DAB1: variants seen among roughly 807,000 people sequenced by gnomAD.
DAB1 encodes the protein DAB adaptor protein 1, also known as disabled homolog 1.
In DAB1, 15 loss-of-function variants were observed where a neutral mutation model predicts 64.6. That is an observed-to-expected ratio of 0.23 (90% CI 0.16 to 0.36). The LOEUF is 0.36. DAB1 is among the 10% of genes least tolerant of loss of function. DAB1 has a pLI of 1.00. For missense variants in DAB1, 596 were observed against 706.7 expected (o/e 0.84, Z 1.78); for synonymous variants, 235 against 251.9 (o/e 0.93, Z 0.64).
chr1:58,263,715 C>G (rs997294177), intron 4 of DAB1, among the ~76,000 whole-genome samples: 1 of 152,176 alleles, frequency 6.6e-6, no homozygotes, highest in Non-Finnish European at 1.5e-5. Context: ...ACCATACAAA[C>G]CAACATTTAT....
intron 2 of DAB1, among the ~76,000 whole-genome samples, chr1:57,277,839 C>A (rs187390540): frequency 1.3e-5 from 2 of 152,310 alleles, no homozygotes; most frequent in East Asian, 3.9e-4. Context: ...TCAGGTCTGC[C>A]ATTCATCATC....
intron 7 of DAB1, among the ~76,000 whole-genome samples, chr1:57,485,572 T>C (rs1558425331): frequency 6.6e-6 from 1 of 152,178 alleles, no homozygotes; most frequent in Non-Finnish European, 1.5e-5. Flanking sequence ...CATGATATGA[T>C]TAGAACCACA....
At chr1:57,154,641 C>A (rs182512591) in intron 2 of DAB1, among the ~76,000 whole-genome samples, 1 of 152,312 alleles carries the variant, frequency 6.6e-6, no homozygotes, top group East Asian at 1.9e-4. Context: ...AGTGGTTGTA[C>A]TAATTTATAT....
intron 4 of DAB1, among the ~76,000 whole-genome samples, chr1:57,092,155 T>C (rs1653742172): frequency 6.6e-6 from 1 of 152,242 alleles, no homozygotes; most frequent in African/African-American, 2.4e-5. Flanking sequence ...TAGGGGGACA[T>C]TGGTTCTCAC....
chr1:57,554,505 T>C (rs946632733), intron 7 of DAB1, among the ~76,000 whole-genome samples: 4 of 152,226 alleles, frequency 2.6e-5, no homozygotes, highest in Admixed American at 1.3e-4. Flanking sequence ...GATATTATTA[T>C]ACAGTTTCAA....
chr1:57,393,845 T>C (rs1021002743), intron 1 of DAB1, among the ~76,000 whole-genome samples: 3 of 152,194 alleles, frequency 2.0e-5, no homozygotes, highest in Admixed American at 6.5e-5. Context: ...CCATATATCC[T>C]GCCGGGTCAA....
intron 3 of DAB1, among the ~76,000 whole-genome samples, chr1:57,141,026 T>G (rs976389746): frequency 6.6e-6 from 1 of 152,110 alleles, no homozygotes. Flanking sequence ...GTAAAACATA[T>G]GTGTAAATGC....
At chr1:58,136,647 A>C (rs1653963809) in intron 5 of DAB1, among the ~76,000 whole-genome samples, 1 of 152,168 alleles carries the variant, frequency 6.6e-6, no homozygotes, top group East Asian at 1.9e-4. Context: ...TGGCATTCAA[A>C]CCTAATTGAT....
chr1:58,328,184 T>A (rs1201406171), intron 4 of DAB1, among the ~76,000 whole-genome samples: 1 of 152,234 alleles, frequency 6.6e-6, no homozygotes, highest in East Asian at 1.9e-4. Flanking sequence ...CATGTGTGGA[T>A]CCCTAAGAAA....
intron 7 of DAB1, among the ~76,000 whole-genome samples, chr1:57,613,780 G>A (rs1271956840): frequency 6.6e-6 from 1 of 152,158 alleles, no homozygotes; most frequent in Non-Finnish European, 1.5e-5. Context: ...GAAGCCTGCT[G>A]GAAGCTAGGG....
chr1:57,797,363 C>T (rs935061915), intron 6 of DAB1, among the ~76,000 whole-genome samples: 4 of 152,194 alleles, frequency 2.6e-5, no homozygotes, highest in African/African-American at 9.6e-5. Flanking sequence ...AGGCAATACT[C>T]CAGTTTACAA....
At chr1:58,390,984 C>T (rs948751551) in intron 3 of DAB1, among the ~76,000 whole-genome samples, 5 of 152,168 alleles carry the variant, frequency 3.3e-5, no homozygotes. Flanking sequence ...ATAACGCATT[C>T]GTCATCTGAA....
Position 57,480,355 on chromosome 1 carries a change from T to C in DAB1, n.625+169237A>G, listed in dbSNP as rs116649130. 4.6e-3 allele frequency among the ~76,000 whole-genome samples: 695 copies of C among 152,250 alleles called. 4 individuals are homozygous for C. Among genetic ancestry groups the C allele is most frequent in the Middle Eastern group, 0.01 (3 of 294 alleles). On this transcript the variant is annotated intron_variant and non_coding_transcript_variant, in intron 7 of 20. Transcript: ENST00000485760. ...TTGAAAAAGCATGTGGGATGAGATATATTTTAGTCATCTTTGGAAAGTACT... is the reference window on the plus strand; with the variant it reads ...TTGAAAAAGCATGTGGGATGAGATACATTTTAGTCATCTTTGGAAAGTACT...
At chr1:57,396,758 T>C (rs1314307945) in intron 1 of DAB1, among the ~76,000 whole-genome samples, 1 of 152,198 alleles carries the variant, frequency 6.6e-6, no homozygotes, top group African/African-American at 2.4e-5. Flanking sequence ...TTAAGGATGT[T>C]CTCACATGCT....
At chr1:58,487,791 C>A (rs1037081643) in intron 3 of DAB1, among the ~76,000 whole-genome samples, 2 of 152,138 alleles carry the variant, frequency 1.3e-5, no homozygotes, top group East Asian at 1.9e-4. Context: ...CCCCTCCCCC[C>A]TCAACACACA....
chr1:58,267,556 G>C (rs182167491), intron 4 of DAB1, among the ~76,000 whole-genome samples: 4 of 152,278 alleles, frequency 2.6e-5, no homozygotes, highest in Admixed American at 6.5e-5. Flanking sequence ...GGCCTAGCTT[G>C]TCTCCTACTG....
intron 6 of DAB1, among the ~76,000 whole-genome samples, chr1:57,808,587 T>C (rs1446977268): frequency 6.6e-6 from 1 of 152,134 alleles, no homozygotes; most frequent in African/African-American, 2.4e-5. Context: ...TATGAAACAA[T>C]TACAGAACAA....
chr1:58,371,981 G>A (rs908060390), intron 3 of DAB1, among the ~76,000 whole-genome samples: 1 of 152,224 alleles, frequency 6.6e-6, no homozygotes, highest in Non-Finnish European at 1.5e-5. Context: ...ACTTCTACTA[G>A]GGCAAAGCAG....
intron 5 of DAB1, among the ~76,000 whole-genome samples, chr1:57,894,657 C>T (rs1249896803): frequency 1.3e-5 from 2 of 152,034 alleles, no homozygotes; most frequent in African/African-American, 4.8e-5. Context: ...AAAAAAAACT[C>T]GAAGGGTTTA....
Sources: allele counts gnomAD v4.1 joint callset (sites outside exome capture counted in the v4.1 genomes callset), GRCh38; gene constraint gnomAD v4.1.1; transcripts MANE v1.5; gene names NCBI Gene and HGNC (gene_info 2026-07-23, HGNC 2026-07-21).